QKI: variants seen among roughly 807,000 people sequenced by gnomAD.
QKI encodes the protein QKI, KH domain containing RNA binding.
In QKI, 10 loss-of-function variants were observed where a neutral mutation model predicts 39.0. The ratio of observed to expected loss-of-function variants is 0.26; its 90% confidence interval spans 0.16 to 0.43. The LOEUF (loss-of-function observed/expected upper bound fraction) is 0.43, where lower values mean the gene tolerates loss of function less well. QKI is among the 20% of genes least tolerant of loss of function. The pLI is 1.00. For missense variants in QKI, 218 were observed against 428.0 expected, an observed-to-expected ratio of 0.51 and a Z score of 4.33; for synonymous variants, 204 against 155.4, an observed-to-expected ratio of 1.31 and a Z score of -2.33.
intron 1 of QKI, among the ~76,000 whole-genome samples, chr6:163,444,642 A>G (rs1790009561): frequency 6.6e-6 from 1 of 152,196 alleles, no homozygotes; most frequent in South Asian, 2.1e-4. Flanking sequence ...GTGGATATTT[A>G]TTTTGGAGAA....
chr6:163,507,900 GT>G (rs1266193814), intron 3 of QKI, among the ~76,000 whole-genome samples: 1 of 152,046 alleles, frequency 6.6e-6, no homozygotes, highest in South Asian at 2.1e-4. Context: ...TTTTGTTTTT[GT>G]TTTTTTAAAT....
At chr6:163,538,659 C>T (rs1402234981) in intron 4 of QKI, among the ~76,000 whole-genome samples, 1 of 152,208 alleles carries the variant, frequency 6.6e-6, no homozygotes, top group African/African-American at 2.4e-5. Context: ...ATCATTCCAG[C>T]TGCTGGCCTG....
At chr6:163,565,271 T>G in intron 6 of QKI, 3 of 986,642 alleles carry the variant, frequency 3.0e-6, no homozygotes, top group Non-Finnish European at 3.6e-6. Flanking sequence ...CATGCTCCTT[T>G]TCCCAGAACT....
At chr6:163,449,944 T>A (rs1238704998) in intron 1 of QKI, among the ~76,000 whole-genome samples, 1 of 152,134 alleles carries the variant, frequency 6.6e-6, no homozygotes, top group Non-Finnish European at 1.5e-5. Flanking sequence ...GTGATTGATC[T>A]GTTAGTTAAA....
At chr6:163,515,254 C>G (rs1779722909) in intron 3 of QKI, among the ~76,000 whole-genome samples, 1 of 152,042 alleles carries the variant, frequency 6.6e-6, no homozygotes, top group Non-Finnish European at 1.5e-5. Flanking sequence ...AATATGAACT[C>G]CCACACAAGT....
intron 1 of QKI, among the ~76,000 whole-genome samples, chr6:163,450,047 A>ATG (rs1157121537): frequency 4.6e-5 from 7 of 150,582 alleles, no homozygotes; most frequent in South Asian, 4.2e-4. Flanking sequence ...ATATGTATAT[A>ATG]TGTGTATATA....
At chr6:163,454,714 A>T (rs940486248) in intron 1 of QKI, among the ~76,000 whole-genome samples, 3 of 152,078 alleles carry the variant, frequency 2.0e-5, no homozygotes, top group Admixed American at 6.6e-5. Context: ...GCTCTAAGAC[A>T]TCTCTTCTGA....
At chr6:163,570,566 CTTTTT>C in intron 7 of QKI, 123 bp from the exon 8 acceptor site, 1 of 1,359,034 alleles carries the variant, frequency 7.4e-7, no homozygotes, top group Non-Finnish European at 9.7e-7. Flanking sequence ...ATTAAACATG[CTTTTT>C]TTTTTATTAG....
chr6:163,467,405 G>C (rs1791847365), intron 2 of QKI, among the ~76,000 whole-genome samples: 1 of 152,230 alleles, frequency 6.6e-6, no homozygotes, highest in Non-Finnish European at 1.5e-5. Context: ...CTGACTGGCT[G>C]TTCTCAGGAT....
intron 3 of QKI, among the ~76,000 whole-genome samples, chr6:163,491,552 G>A (rs1778055520): frequency 6.6e-6 from 1 of 151,508 alleles, no homozygotes; most frequent in Non-Finnish European, 1.5e-5. Context: ...TTTTAAGTTT[G>A]ATTTCTGGTT....
At chr6:163,459,401 G>A (rs1027847071) in intron 2 of QKI, among the ~76,000 whole-genome samples, 1 of 152,166 alleles carries the variant, frequency 6.6e-6, no homozygotes, top group African/African-American at 2.4e-5. Context: ...CAGGGATACT[G>A]TTAAACATCC....
intron 3 of QKI, among the ~76,000 whole-genome samples, chr6:163,515,969 A>G (rs1411945787): frequency 6.6e-6 from 1 of 151,600 alleles, no homozygotes; most frequent in Non-Finnish European, 1.5e-5. Context: ...CCTCATTGTG[A>G]TGTAATCTGA....
At chr6:163,510,349 A>G (rs1779373009) in intron 3 of QKI, among the ~76,000 whole-genome samples, 1 of 152,052 alleles carries the variant, frequency 6.6e-6, no homozygotes, top group South Asian at 2.1e-4. Context: ...ACTTGAGGTC[A>G]GGAGTTTGAG....
At chr6:163,415,878 G>A in intron 1 of QKI, 1 of 510,076 alleles carries the variant, frequency 2.0e-6, no homozygotes, top group Non-Finnish European at 3.9e-6. Flanking sequence ...TGGTGCAGCT[G>A]TTCAATACTA....
At chr6:163,565,916 A>T in intron 6 of QKI, 1 of 1,613,146 alleles carries the variant, frequency 6.2e-7, no homozygotes, top group Non-Finnish European at 8.5e-7. Context: ...ATTGATGACT[A>T]ATTTTTAATT....
intron 3 of QKI, among the ~76,000 whole-genome samples, chr6:163,531,507 C>A (rs1417190379): frequency 6.6e-6 from 1 of 152,190 alleles, no homozygotes; most frequent in Non-Finnish European, 1.5e-5. Context: ...CCCCTGTTTT[C>A]ACTGCTGCCC....
chr6:163,563,711 G>A lies in QKI; in HGVS notation c.926G>A (p.Gly309Asp), dbSNP rs1416037832. ...SILEYPIEPS[G>D]VLGAVATKVR... is the part of the protein sequence containing the mutation. Reference sequence around the variant, plus strand: ...CTTGAGTATCCTATTGAACCTAGTGGTGTATTAGGTAAGTTCTTCTCCCCA... The same window carrying A: ...CTTGAGTATCCTATTGAACCTAGTGATGTATTAGGTAAGTTCTTCTCCCCA... The change falls in exon 6 of 8, where the codon GGT (glycine) becomes GAT (aspartate). Residue 309 changes from glycine (G) to aspartate (D), a missense_variant. Gly to Asp is a moderately conservative substitution (Grantham distance 94). Coordinates refer to ENST00000361752, the MANE Select transcript of QKI (RefSeq NM_006775.3). 1.9e-6 allele frequency: 3 copies of A among 1,613,012 alleles called. No individual in the cohort carries two copies. The highest frequency in any genetic ancestry group is 2.5e-6 in the Non-Finnish European group (3 of 1,179,220).
chr6:163,477,078 T>C (rs1053289528), intron 2 of QKI, among the ~76,000 whole-genome samples: 1 of 150,704 alleles, frequency 6.6e-6, no homozygotes, highest in African/African-American at 2.4e-5. Flanking sequence ...TGCAGAGGCA[T>C]GATTTCAGCT....
At chr6:163,562,144 A>G (rs1261188661) in intron 5 of QKI, 75 bp downstream of exon 5, 5 of 1,039,246 alleles carry the variant, frequency 4.8e-6, no homozygotes, top group South Asian at 1.6e-5. Context: ...CCTTTTGGCA[A>G]CACAATAATA....
Sources: allele counts gnomAD v4.1 joint callset (sites outside exome capture counted in the v4.1 genomes callset), GRCh38; gene constraint gnomAD v4.1.1; transcripts MANE v1.5; gene names NCBI Gene and HGNC (gene_info 2026-07-23, HGNC 2026-07-21).